Variants in RHBDF2 observed in about 807,000 individuals in gnomAD.
The protein encoded by RHBDF2 is inactive rhomboid protein 2.
RHBDF2 carries 38 observed loss-of-function variants against 95.2 expected under a neutral mutation model. The ratio of observed to expected loss-of-function variants is 0.40; its 90% CI spans 0.31 to 0.52. The LOEUF (loss-of-function observed/expected upper bound fraction) is 0.52, where lower values mean the gene tolerates loss of function less well. RHBDF2 is among the 20% of genes least tolerant of loss of function. The probability of loss-of-function intolerance (pLI) is 0.56; values close to 1 mark genes in which losing one functional copy is unlikely to be tolerated. For synonymous variants in RHBDF2, 442 were observed against 462.0 expected, an observed-to-expected ratio of 0.96 and a Z score of 0.55; for missense variants, 863 against 1,137.7, an observed-to-expected ratio of 0.76 and a Z score of 3.47.
At chr17:76,482,867 G>GA (rs11358592) in intron 2 of RHBDF2, among the ~76,000 whole-genome samples, 309 of 140,790 alleles carry the variant, frequency 2.2e-3, no homozygotes, top group African/African-American at 3.9e-3. Flanking sequence ...TATGCTCATT[G>GA]AAAAAAAAAA....
rs751079487 is a variant in RHBDF2 at position 76,477,208 on chromosome 17, CAG to C, written c.890_891del (p.Pro297ArgfsTer37). ...YFRGIPHSASPVSPDGVQIPL... is the reference protein window; with the variant it reads ...YFRGIPHSASXVSPDGVQIPL... ...GGGATTTGCACCCCATCGGGGGAGACAGGGGAGGCTGAGTGTGGGATCCCTCG... is the reference window on the plus strand; with the variant it reads ...GGGATTTGCACCCCATCGGGGGAGACGGGAGGCTGAGTGTGGGATCCCTCG... On this transcript the variant is annotated frameshift_variant, in exon 8 of 19. Coordinates refer to ENST00000675367, the MANE Select transcript of RHBDF2 (RefSeq NM_001005498.4). LOFTEE classifies it high-confidence loss of function. The C allele has an allele frequency of 2.5e-6, 4 of 1,610,412 alleles. No individual in the cohort carries two copies. The highest frequency in any genetic ancestry group is 1.1e-5 in the South Asian group (1 of 90,622).
chr17:76,499,366 C>G (rs1004046693), intron 1 of RHBDF2, among the ~76,000 whole-genome samples: 1 of 152,156 alleles, frequency 6.6e-6, no homozygotes, highest in African/African-American at 2.4e-5. Flanking sequence ...CCTCTCCCAC[C>G]GTGCCAGCCA....
intron 1 of RHBDF2, chr17:76,501,117 C>G (rs926202669): frequency 1.3e-5 from 2 of 152,262 alleles, no homozygotes; most frequent in South Asian, 4.1e-4. Flanking sequence ...CGAGCCGAGC[C>G]CTAGGGGCCA....
chr17:76,488,866 TA>T (rs1310415333), intron 1 of RHBDF2, among the ~76,000 whole-genome samples: 7 of 152,078 alleles, frequency 4.6e-5, no homozygotes, highest in Non-Finnish European at 1.0e-4. Flanking sequence ...GAGAATCACT[TA>T]AACATGGGAG....
chr17:76,474,544 G>A lies in RHBDF2; in HGVS notation c.1303-10C>T, dbSNP rs757772592. The A allele has an allele frequency of 1.9e-5, 30 of 1,613,942 alleles. No homozygotes were observed. Among genetic ancestry groups the A allele is most frequent in the Non-Finnish European group, 2.5e-5 (29 of 1,179,940 alleles). ...GGTGGATCAGGTCAATCTGGGGAAG[G>A]GAAAGGGAGGGGAGAGAGTGAGTTT... On this transcript the variant is annotated splice_polypyrimidine_tract_variant and intron_variant, in intron 11 of 18. Transcript: ENST00000675367.
intron 1 of RHBDF2, chr17:76,500,918 G>C (rs932142042): frequency 1.3e-5 from 2 of 152,484 alleles, no homozygotes; most frequent in African/African-American, 2.4e-5. Flanking sequence ...CTTCGGCCCC[G>C]GTCCGCCCGG....
chr17:76,497,235 A>G (rs959892729), intron 1 of RHBDF2, among the ~76,000 whole-genome samples: 4 of 152,000 alleles, frequency 2.6e-5, no homozygotes, highest in African/African-American at 9.7e-5. Flanking sequence ...AGGCAGCTTT[A>G]CCCTGCTCCC....
In RHBDF2 at chr17:76,470,984, T is replaced by TA. The variant is rs746657871; in HGVS notation, c.*648dup. 1.0e-4 allele frequency: 16 copies of TA among 152,444 alleles called. No individual in the cohort carries two copies. Among genetic ancestry groups the TA allele is most frequent in the Non-Finnish European group, 2.0e-4 (14 of 68,308 alleles). The allele number at this position is 152,444 out of a possible 1,614,324, so 9.4% of individuals were successfully genotyped here. On this transcript the variant is annotated 3_prime_UTR_variant, in exon 19 of 19. Transcript: ENST00000675367. ...AAATGAAGACCGTGATATAAACTGG[T>TA]AAAAAACGGGCCTGATGCGCCTCGA...
intron 4 of RHBDF2, 64 bp downstream of exon 4, chr17:76,479,669 C>CA: frequency 2.3e-6 from 3 of 1,316,402 alleles, no homozygotes; most frequent in Non-Finnish European, 3.2e-6. Context: ...CAATCATGTC[C>CA]AGGCCCCGAG....
At chr17:76,500,318 A>G (rs972580921) in intron 1 of RHBDF2, among the ~76,000 whole-genome samples, 1 of 151,994 alleles carries the variant, frequency 6.6e-6, no homozygotes, top group Non-Finnish European at 1.5e-5. Context: ...TGACACCCAA[A>G]ATGACTCCAA....
At chr17:76,482,579 G>T (rs990573122) in intron 2 of RHBDF2, among the ~76,000 whole-genome samples, 1 of 152,200 alleles carries the variant, frequency 6.6e-6, no homozygotes, top group African/African-American at 2.4e-5. Flanking sequence ...TTTGAGACCA[G>T]CCTGGCCAAC....
chr17:76,474,953 G>A, intron 10 of RHBDF2, 77 bp downstream of exon 10: 2 of 1,458,506 alleles, frequency 1.4e-6, no homozygotes, highest in Non-Finnish European at 1.9e-6. Context: ...GTTGCGGTGG[G>A]AGGGATTAGG....
chr17:76,473,774 G>A (rs375186936), intron 14 of RHBDF2, 32 bp from the exon 15 acceptor site: 16 of 1,611,206 alleles, frequency 9.9e-6, no homozygotes, highest in African/African-American at 1.3e-5. Context: ...AGGGAAGTGG[G>A]CTGTGCAGCA....
rs919910786 is a variant in RHBDF2 at position 76,471,252 on chromosome 17, C to T, written c.*381G>A. The T allele has an allele frequency of 2.4e-5, 5 of 206,824 alleles. No homozygotes were observed. Among genetic ancestry groups the T allele is most frequent in the Admixed American group, 1.0e-4 (2 of 19,218 alleles). 12.8% of individuals were successfully genotyped at this position (206,824 alleles called of 1,614,324 possible). A position where few individuals can be genotyped will look rare whatever the true frequency, so the allele number is the denominator to read the frequency against. On this transcript the variant is annotated 3_prime_UTR_variant, in exon 19 of 19. Transcript: ENST00000675367. The stretch of plus-strand genomic sequence containing the variant: ...CACAGCCACGTCCCCAGCAAGGGCA[C>T]GCTCCAGTAGTAGTGGGGGAGAAGG...
At chr17:76,480,074 T>TATA (rs1567879928) in intron 3 of RHBDF2, 1 of 23,826 alleles carries the variant, frequency 4.2e-5, no homozygotes, top group African/African-American at 1.5e-4. Context: ...TATATATATT[T>TATA]TTTTTTTTTT....
chr17:76,477,766 G>T lies in RHBDF2; in HGVS notation c.692C>A (p.Ala231Asp). The change falls in exon 7 of 19, where the codon GCC becomes GAC. Residue 231 changes from alanine to aspartate, a missense_variant. By Grantham distance (126) the Ala-to-Asp change is moderately radical. This residue lies in a region of RHBDF2 where 611 missense variants were observed against 725.5 expected (regional missense o/e 0.84). Coordinates refer to ENST00000675367, the MANE Select transcript of RHBDF2 (RefSeq NM_001005498.4). ...ALLKGRSVLD[A>D]TGQRCRVVKR... ...GACCACCCGGCACCGCTGTCCGGTG[G>T]CATCCAGCACCGAGCGCCCCTGTGC... 1 of 1,612,362 alleles carries T rather than the reference G, an allele frequency of 6.2e-7. No homozygotes were observed.
intron 2 of RHBDF2, among the ~76,000 whole-genome samples, chr17:76,485,178 C>T (rs1382648158): frequency 7.9e-5 from 12 of 151,722 alleles, no homozygotes; most frequent in Non-Finnish European, 1.5e-4. Flanking sequence ...GAGGCCGAGG[C>T]GGGCGGATCA....
At chr17:76,491,182 T>A (rs1036761247) in intron 1 of RHBDF2, among the ~76,000 whole-genome samples, 2 of 151,782 alleles carry the variant, frequency 1.3e-5, no homozygotes, top group Admixed American at 6.6e-5. Context: ...AGAACGAGTG[T>A]CTAGTGGACC....
At chr17:76,489,469 G>A (rs941436204) in intron 1 of RHBDF2, among the ~76,000 whole-genome samples, 14 of 151,900 alleles carry the variant, frequency 9.2e-5, no homozygotes, top group South Asian at 2.1e-4. Context: ...GACTACAGAC[G>A]CCCGCCACCA....
Sources: allele counts gnomAD v4.1 joint callset (sites outside exome capture counted in the v4.1 genomes callset), GRCh38; gene constraint gnomAD v4.1.1; regional missense constraint gnomAD v4.1.1; transcripts MANE v1.5; gene names NCBI Gene and HGNC (gene_info 2026-07-23, HGNC 2026-07-21).